TRIM67: variants seen among roughly 807,000 people sequenced by gnomAD.
TRIM67 encodes the protein tripartite motif containing 67.
TRIM67 carries 39 observed loss-of-function variants against 71.0 expected under a neutral mutation model. The ratio of observed to expected loss-of-function variants is 0.55; its 90% CI spans 0.43 to 0.72. TRIM67 has a LOEUF of 0.72. Ranked by LOEUF, TRIM67 falls within the 30% of genes least tolerant of loss-of-function variation. The pLI is 0.00. For synonymous variants in TRIM67, 481 were observed against 473.9 expected, an observed-to-expected ratio of 1.01 and a Z score of -0.19; for missense variants, 973 against 1,079.2, an observed-to-expected ratio of 0.90 and a Z score of 1.38.
rs551822423 is a variant in TRIM67, at chr1:231,164,084, C to T, written c.1044+71C>T. On this transcript the variant is annotated intron_variant, in intron 1 of 9. Transcript: ENST00000366653. ...CGAGGAGAAAGGCTTTTGGCCTCTC[C>T]CTTGGAGAGCTGACAGAAAGTCGGT... The T allele has an allele frequency of 3.0e-5, 41 of 1,357,164 alleles. No homozygotes were observed. In the African/African-American group the frequency reaches 6.1e-4, roughly 20 times the overall value. 84.1% of individuals were successfully genotyped at this position (1,357,164 alleles called of 1,614,324 possible). A position where few individuals can be genotyped will look rare whatever the true frequency, so the allele number is the denominator to read the frequency against.
intron 1 of TRIM67, among the ~76,000 whole-genome samples, chr1:231,196,212 C>T (rs576243140): frequency 2.6e-5 from 4 of 152,100 alleles, no homozygotes; most frequent in African/African-American, 9.7e-5. Flanking sequence ...GAGCAGAGAC[C>T]TGGGAGGGGA....
rs1683395547 is a variant in TRIM67 at position 231,197,442 on chromosome 1, A to C, written c.1116A>C (p.Leu372=). 1.9e-6 allele frequency: 3 copies of C among 1,614,026 alleles called. No individual in the cohort carries two copies. The highest frequency in any genetic ancestry group is 2.5e-6 in the Non-Finnish European group (3 of 1,179,870). ...AKEAKEFLVQ[L]KNILQQIQEN... is the part of the protein sequence containing the mutation. ...AAGCAAAGGAGTTTCTGGTTCAGCT[A>C]AAGAACATATTGCAGCAGATCCAGG... The change falls in exon 2 of 10, where the codon CTA becomes CTC. Residue 372 remains leucine (L), a synonymous_variant. Transcript: ENST00000366653.
chr1:231,200,115 A>T, intron 3 of TRIM67, 33 bp from the exon 4 acceptor site: 1 of 1,524,316 alleles, frequency 6.6e-7, no homozygotes, highest in Middle Eastern at 1.7e-4. Flanking sequence ...TCCTCTCATG[A>T]GACAGTTACT....
intron 1 of TRIM67, 109 bp downstream of exon 1, chr1:231,164,122 C>T (rs1443463329): frequency 5.1e-5 from 65 of 1,278,372 alleles, no homozygotes; most frequent in Non-Finnish European, 6.5e-5. Flanking sequence ...GAGGGTCAGG[C>T]AGGAATTACC....
In TRIM67 at chr1:231,190,991, A is replaced by G. The variant is rs1683215968; in HGVS notation, c.1045-6380A>G. 2.0e-5 allele frequency among the ~76,000 whole-genome samples: 3 copies of G among 152,164 alleles called. No homozygotes were observed. The East Asian group carries it at 5.8e-4, about 29-fold the overall frequency. ...GCCTGTTGCTGCATCTGCCTCAATCACAGGGTGATCAAGGCTCCCCACCAT... is the reference window on the plus strand; with the variant it reads ...GCCTGTTGCTGCATCTGCCTCAATCGCAGGGTGATCAAGGCTCCCCACCAT... On this transcript the variant is annotated intron_variant, in intron 1 of 9. Coordinates refer to ENST00000366653, the MANE Select transcript of TRIM67 (RefSeq NM_001004342.5).
chr1:231,196,777 G>T (rs940800450), intron 1 of TRIM67, among the ~76,000 whole-genome samples: 8 of 152,208 alleles, frequency 5.3e-5, no homozygotes, highest in African/African-American at 1.9e-4. Flanking sequence ...CCTCTCTGCA[G>T]GGTGAGGAGT....
At chr1:231,205,765 A>G (rs6541261) in intron 6 of TRIM67, among the ~76,000 whole-genome samples, 38,004 of 151,084 alleles carry the variant, frequency 0.25, 7,201 homozygotes, top group African/African-American at 0.53. Context: ...AGTATCTTTG[A>G]GGCCAGATGC....
At chr1:231,187,652 T>C in intron 1 of TRIM67, 1 of 1,284,342 alleles carries the variant, frequency 7.8e-7, no homozygotes, top group Non-Finnish European at 1.1e-6. Context: ...CCATCTCTAC[T>C]GTCTCCCAAG....
At chr1:231,170,861 G>T (rs1682602037) in intron 1 of TRIM67, among the ~76,000 whole-genome samples, 1 of 152,172 alleles carries the variant, frequency 6.6e-6, no homozygotes, top group Non-Finnish European at 1.5e-5. Flanking sequence ...GCCCTTCATA[G>T]AAAATAATTT....
rs1270970428 is a variant in TRIM67, at chr1:231,221,474, A to T, written c.*6034A>T. ...TTTTCTGGTCTTTGGGGGTTAGTTGAACTTTCTGTATTACCTTTTGGAAAA... is the reference window on the plus strand; with the variant it reads ...TTTTCTGGTCTTTGGGGGTTAGTTGTACTTTCTGTATTACCTTTTGGAAAA... On this transcript the variant is annotated 3_prime_UTR_variant, in exon 10 of 10. Transcript: ENST00000366653. The T allele has an allele frequency of 6.6e-6, 1 of 152,626 alleles. No homozygotes were observed. Among genetic ancestry groups the T allele is most frequent in the African/African-American group, 2.4e-5 (1 of 41,444 alleles). The allele number at this position is 152,626 out of a possible 1,614,324, so 9.5% of individuals were successfully genotyped here. A position where few individuals can be genotyped will look rare whatever the true frequency, so the allele number is the denominator to read the frequency against.
chr1:231,213,821 A>C lies in TRIM67; in HGVS notation c.2130A>C (p.Glu710Asp), dbSNP rs762372206. ...MHCNSHTNRTEGGVCKGATVG... is the reference protein window; with the variant it reads ...MHCNSHTNRTDGGVCKGATVG... The stretch of plus-strand genomic sequence containing the variant: ...CTGGGGACTCTCTTCCCAGGACGGA[A>C]GGTGGCGTGTGCAAGGGGGCCACCG... Residue 710 changes from glutamate to aspartate, a missense_variant, in exon 9 of 10, where the codon GAA becomes GAC. Physicochemically the swap from Glu to Asp is conservative, Grantham distance 45. Around this residue, in one of 2 missense-constraint regions of TRIM67, gnomAD observed 178 missense variants for 247.9 expected, o/e 0.72. Transcript: ENST00000366653. 2 of 1,595,440 alleles carry C rather than the reference A, an allele frequency of 1.3e-6. No homozygotes were observed. The highest frequency in any genetic ancestry group is 2.3e-5 in the South Asian group (2 of 88,548).
Position 231,209,028 on chromosome 1 carries a change from G to C in TRIM67, c.1901G>C (p.Ser634Thr). The C allele has an allele frequency of 6.2e-7, 1 of 1,613,470 alleles. No individual in the cohort carries two copies. ...GACAACCAGACAGCCACCTGCAGCAGCTATGACGACCGGGTGGTGCTGGGC... is the reference window on the plus strand; with the variant it reads ...GACAACCAGACAGCCACCTGCAGCACCTATGACGACCGGGTGGTGCTGGGC... ...SNDNQTATCS[S>T]YDDRVVLGTA... Residue 634 changes from serine (S) to threonine (T), a missense_variant, in exon 8 of 10, where the codon AGC becomes ACC. By Grantham distance (58) the Ser-to-Thr change is moderately conservative. This residue lies in a region of TRIM67 where 178 missense variants were observed against 247.9 expected (regional missense o/e 0.72). Coordinates refer to ENST00000366653, the MANE Select transcript of TRIM67 (RefSeq NM_001004342.5). The surrounding 1 kb of genome is among the most constrained non-coding windows in gnomAD (Gnocchi z 4.1).
rs368997742 is a variant in TRIM67 at position 231,167,467 on chromosome 1, C to T, written c.1044+3454C>T. 5.9e-4 allele frequency among the ~76,000 whole-genome samples: 74 copies of T among 124,780 alleles called. 11 individuals carry two copies. The East Asian group carries it at 0.017, about 28-fold the overall frequency. The allele number at this position is 124,780 out of a possible 152,430, so 81.9% of individuals were successfully genotyped here. A position where few individuals can be genotyped will look rare whatever the true frequency, so the allele number is the denominator to read the frequency against. The stretch of plus-strand genomic sequence containing the variant: ...CCTCCCAAGTAGCTGGGACTACAGG[C>T]GCCCGCCACTACGCCCGGCTAATTT... On this transcript the variant is annotated intron_variant, in intron 1 of 9. Transcript: ENST00000366653.
rs756617103 is a variant in TRIM67, at chr1:231,209,108, G to A, written c.1981G>A (p.Asp661Asn). 87 of 1,613,984 alleles carry A rather than the reference G, an allele frequency of 5.4e-5. No individual in the cohort carries two copies. Among genetic ancestry groups the A allele is most frequent in the Non-Finnish European group, 6.6e-5 (78 of 1,179,874 alleles). Residue 661 changes from aspartate (D) to asparagine (N), a missense_variant, in exon 8 of 10, where the codon GAC becomes AAC. Physicochemically the swap from Asp to Asn is conservative, Grantham distance 23 (BLOSUM62 1). Around this residue, in one of 2 missense-constraint regions of TRIM67, gnomAD observed 178 missense variants for 247.9 expected, o/e 0.72. Coordinates refer to ENST00000366653, the MANE Select transcript of TRIM67 (RefSeq NM_001004342.5). The surrounding 1 kb of genome is among the most constrained non-coding windows in gnomAD (Gnocchi z 4.1). ...CTGGGAGCTGCACGTGGACCGGTAC[G>A]ACAACCACCCAGACCCCGCCTTCGG... ...HYWELHVDRYDNHPDPAFGVA... is the reference protein window; with the variant it reads ...HYWELHVDRYNNHPDPAFGVA...
At chr1:231,174,943 TC>T (rs1158718379) in intron 1 of TRIM67, among the ~76,000 whole-genome samples, 1 of 152,284 alleles carries the variant, frequency 6.6e-6, no homozygotes, top group East Asian at 1.9e-4. Context: ...ATTAAGATAG[TC>T]CCCTAGTTGT....
chr1:231,162,844 G>A lies in TRIM67; in HGVS notation c.-126G>A, dbSNP rs1391783759. The A allele has an allele frequency of 5.4e-6, 7 of 1,287,788 alleles. No homozygotes were observed. In the East Asian group the frequency reaches 1.5e-4, roughly 28 times the overall value. 79.8% of individuals were successfully genotyped at this position (1,287,788 alleles called of 1,614,324 possible). A position where few individuals can be genotyped will look rare whatever the true frequency, so the allele number is the denominator to read the frequency against. On this transcript the variant is annotated 5_prime_UTR_variant, in exon 1 of 10. Coordinates refer to ENST00000366653, the MANE Select transcript of TRIM67 (RefSeq NM_001004342.5). ...GGCGTGCCCCTCGGCTGTGAAGTGG[G>A]CATGCCCGTGTGATGCCCCCGCCCG...
At chr1:231,188,101 C>T (rs1683134243) in intron 1 of TRIM67, among the ~76,000 whole-genome samples, 1 of 152,110 alleles carries the variant, frequency 6.6e-6, no homozygotes, top group Admixed American at 6.5e-5. Flanking sequence ...TAATCCCTTC[C>T]ACCCCTCCAT....
intron 3 of TRIM67, among the ~76,000 whole-genome samples, chr1:231,199,799 C>G (rs528977472): frequency 6.6e-6 from 1 of 152,350 alleles, no homozygotes; most frequent in African/African-American, 2.4e-5. Flanking sequence ...GGGCTAGGAC[C>G]ATTGCATTAT....
At chr1:231,211,123 C>T (rs1683858714) in intron 8 of TRIM67, among the ~76,000 whole-genome samples, 3 of 151,690 alleles carry the variant, frequency 2.0e-5, no homozygotes, top group South Asian at 2.1e-4. Context: ...TCGGGTCACG[C>T]GGCTAGTTGA....
Sources: gnomAD v4.1 joint callset for allele counts (sites outside exome capture counted in the v4.1 genomes callset) on GRCh38, gnomAD v4.1.1 for gene constraint, gnomAD v4.1.1 regional missense constraint, Gnocchi (gnomAD v3.1) non-coding constraint, MANE v1.5 for transcripts, NCBI Gene and HGNC (gene_info 2026-07-23, HGNC 2026-07-21) for gene names.